Variants in MESD observed in about 807,000 individuals in gnomAD.
The protein encoded by MESD is mesoderm development LRP chaperone, also known as LRP chaperone MESD.
In MESD, 7 loss-of-function variants were observed where a neutral mutation model predicts 12.9. The observed-to-expected ratio is 0.54, with a 90% CI of 0.31 to 1.02. The LOEUF (loss-of-function observed/expected upper bound fraction) is 1.02, where lower values mean the gene tolerates loss of function less well. Among genes scored for constraint, MESD ranks in the 50% least tolerant of loss-of-function variants. The pLI, the probability that MESD is intolerant of heterozygous loss-of-function variation, is 0.05. For missense variants in MESD, 342 were observed against 296.7 expected (o/e 1.15, Z -1.12); for synonymous variants, 126 against 115.6 (o/e 1.09, Z -0.58).
At chr15:80,983,013 G>A (rs921077980) in intron 1 of MESD, among the ~76,000 whole-genome samples, 12 of 152,136 alleles carry the variant, frequency 7.9e-5, no homozygotes, top group Admixed American at 7.9e-4. Context: ...AGGCTGAGGT[G>A]GGAGAATTGC....
At chr15:80,946,394 T>G (rs1294461541), downstream of MESD, 1 of 155,678 alleles carries the variant, frequency 6.4e-6, no homozygotes, top group African/African-American at 2.4e-5. Context: ...AATTCTGTGG[T>G]TCTAATGAAA....
intron 4 of MESD, chr15:80,950,390 C>T: frequency 6.6e-6 from 1 of 152,262 alleles, no homozygotes; most frequent in Non-Finnish European, 1.5e-5. Flanking sequence ...GGGGACAAGT[C>T]CCCTCGAAGG....
At chr15:80,953,348 G>A (rs1013955764) in intron 3 of MESD, among the ~76,000 whole-genome samples, 2 of 152,220 alleles carry the variant, frequency 1.3e-5, no homozygotes, top group African/African-American at 4.8e-5. Context: ...AGACGCCAAC[G>A]AGGAACCGTC....
At chr15:80,969,115 T>C (rs1026459600) in intron 3 of MESD, among the ~76,000 whole-genome samples, 37 of 152,154 alleles carry the variant, frequency 2.4e-4, no homozygotes, top group Admixed American at 2.4e-3. Context: ...CACTTGAGCC[T>C]GGAGGTCGAG....
chr15:80,948,224 C>T (rs184543069), exon 5 of MESD: 29 of 177,198 alleles, frequency 1.6e-4, no homozygotes, highest in Admixed American at 5.9e-4. Context: ...TCCCATGCCC[C>T]TCGGATGCTC....
chr15:80,989,136 G>C (rs1893225795), intron 1 of MESD, among the ~76,000 whole-genome samples: 1 of 152,162 alleles, frequency 6.6e-6, no homozygotes, highest in South Asian at 2.1e-4. Context: ...CATTAAGGAA[G>C]ACCATCTTCA....
intron 1 of MESD, among the ~76,000 whole-genome samples, chr15:80,983,391 C>CTAG (rs1902638905): frequency 2.0e-5 from 3 of 152,226 alleles, no homozygotes; most frequent in South Asian, 4.1e-4. Flanking sequence ...GTGGTATGGG[C>CTAG]TAGCAATTCT....
At chr15:80,979,515 C>A in intron 2 of MESD, 38 bp from the exon 3 acceptor site, 1 of 1,602,790 alleles carries the variant, frequency 6.2e-7, no homozygotes, top group Non-Finnish European at 8.5e-7. Flanking sequence ...CCAGCACGTA[C>A]TAGTAAGGTG....
At chr15:80,984,339 C>G (rs766227608) in intron 1 of MESD, among the ~76,000 whole-genome samples, 7 of 151,844 alleles carry the variant, frequency 4.6e-5, no homozygotes, top group Non-Finnish European at 8.8e-5. Flanking sequence ...TTTAGGAGGT[C>G]GAAGCTGGAG....
intron 3 of MESD, among the ~76,000 whole-genome samples, chr15:80,953,728 G>A (rs1464526129): frequency 6.6e-6 from 1 of 152,182 alleles, no homozygotes; most frequent in Non-Finnish European, 1.5e-5. Context: ...GGAGGAAAGG[G>A]GGTGGGGTTC....
rs58445538 is a variant in MESD at position 80,981,436 on chromosome 15, CAAAAAAAAA to C, written c.446+505_446+513del. ...TGGGCAACACAGTGAGACTCCGTCT[CAAAAAAAAA>C]AAAAAAAAAAACAAACTAGATAGAT... On this transcript the variant is annotated intron_variant, in intron 2 of 2. Coordinates refer to ENST00000261758, the MANE Select transcript of MESD (RefSeq NM_015154.3). Among the ~76,000 whole-genome samples the C allele has an allele frequency of 6.0e-3, 291 of 48,472 alleles. 2 individuals are homozygous for C. Among genetic ancestry groups the C allele is most frequent in the African/African-American group, 0.018 (273 of 15,290 alleles). The allele number at this position is 48,472 out of a possible 152,430, so 31.8% of individuals were successfully genotyped here. A position where few individuals can be genotyped will look rare whatever the true frequency, so the allele number is the denominator to read the frequency against.
At chr15:80,952,726 C>T (rs887141606) in intron 3 of MESD, among the ~76,000 whole-genome samples, 1 of 152,064 alleles carries the variant, frequency 6.6e-6, no homozygotes, top group African/African-American at 2.4e-5. Flanking sequence ...TTTTAAGCTG[C>T]CAATACACAA....
intron 3 of MESD, among the ~76,000 whole-genome samples, chr15:80,960,365 TAAAA>T (rs11295365): frequency 2.7e-5 from 3 of 112,338 alleles, no homozygotes; most frequent in Admixed American, 9.7e-5. Flanking sequence ...ATCCTGTGTT[TAAAA>T]AAAAAAAAAA....
chr15:80,981,918 A>G (rs766463107), intron 2 of MESD, 32 bp downstream of exon 2: 153 of 1,398,704 alleles, frequency 1.1e-4, no homozygotes, highest in Admixed American at 1.7e-5. Context: ...AGCACAGCCT[A>G]TGAGTCTCTC....
At chr15:80,946,452 AG>A (rs1901556316), downstream of MESD, 1 of 167,270 alleles carries the variant, frequency 6.0e-6, no homozygotes, top group Admixed American at 5.7e-5. Context: ...TTCAGGATCT[AG>A]AACCTTCAGG....
At chr15:80,961,997 C>A (rs1444597515) in intron 3 of MESD, among the ~76,000 whole-genome samples, 1 of 152,196 alleles carries the variant, frequency 6.6e-6, no homozygotes, top group Non-Finnish European at 1.5e-5. Context: ...ACAATATTAA[C>A]CTTAAATGTA....
chr15:80,980,075 T>C (rs947500488), intron 2 of MESD, among the ~76,000 whole-genome samples: 1 of 152,232 alleles, frequency 6.6e-6, no homozygotes, highest in African/African-American at 2.4e-5. Context: ...GGAGCCCTAG[T>C]GTGGCCAGCG....
intron 3 of MESD, among the ~76,000 whole-genome samples, chr15:80,964,088 C>T (rs1051271845): frequency 4.6e-5 from 7 of 152,198 alleles, no homozygotes; most frequent in African/African-American, 1.7e-4. Flanking sequence ...CCCATTGTCT[C>T]AGCCCAAAAT....
chr15:80,952,295 G>A (rs1901861065), exon 4 of MESD: 4 of 452,724 alleles, frequency 8.8e-6, no homozygotes, highest in Non-Finnish European at 1.8e-5. Context: ...GGGCTCAGGG[G>A]TCTGGAAGGG....
Sources: allele counts gnomAD v4.1 joint callset (sites outside exome capture counted in the v4.1 genomes callset), GRCh38; gene constraint gnomAD v4.1.1; transcripts MANE v1.5; gene names NCBI Gene and HGNC (gene_info 2026-07-23, HGNC 2026-07-21).